WAC: variants seen among roughly 807,000 people sequenced by gnomAD.
The protein encoded by WAC is WW domain-containing adapter protein with coiled-coil.
WAC carries 11 observed loss-of-function variants against 79.6 expected under a neutral mutation model. That is an observed-to-expected ratio of 0.14 (90% CI 0.09 to 0.23). WAC has a LOEUF of 0.23. Among genes scored for constraint, WAC ranks in the 10% least tolerant of loss-of-function variants. The pLI, the probability that WAC is intolerant of heterozygous loss-of-function variation, is 1.00. For missense variants in WAC, 728 were observed against 773.5 expected, an observed-to-expected ratio of 0.94 and a Z score of 0.70; for synonymous variants, 304 against 276.9, an observed-to-expected ratio of 1.10 and a Z score of -0.97.
intron 7 of WAC, among the ~76,000 whole-genome samples, chr10:28,607,198 T>C (rs1164851099): frequency 3.3e-5 from 5 of 152,232 alleles, no homozygotes; most frequent in East Asian, 3.8e-4. Context: ...TTTACACATC[T>C]GCTTGGTGTT....
At chr10:28,599,527 A>C (rs1840538134) in intron 7 of WAC, among the ~76,000 whole-genome samples, 1 of 152,206 alleles carries the variant, frequency 6.6e-6, no homozygotes, top group South Asian at 2.1e-4. Flanking sequence ...TTGTAGATGG[A>C]TGCTACAAGA....
intron 3 of WAC, among the ~76,000 whole-genome samples, chr10:28,558,285 T>C (rs1363015189): frequency 6.6e-6 from 1 of 152,090 alleles, no homozygotes; most frequent in African/African-American, 2.4e-5. Context: ...TTGAGGAGAG[T>C]GATTTACAAT....
chr10:28,551,382 T>C (rs530591287), intron 3 of WAC, among the ~76,000 whole-genome samples: 7 of 152,370 alleles, frequency 4.6e-5, no homozygotes, highest in Admixed American at 2.6e-4. Flanking sequence ...ACTTTAGCTC[T>C]TGAGCTTGTG....
intron 3 of WAC, chr10:28,537,572 A>T (rs1336629117): frequency 6.6e-6 from 1 of 152,198 alleles, no homozygotes; most frequent in African/African-American, 2.4e-5. Flanking sequence ...TGCTCAGCCA[A>T]TTCTTTTACA....
intron 7 of WAC, among the ~76,000 whole-genome samples, chr10:28,606,937 T>G (rs527826803): frequency 3.3e-5 from 5 of 152,350 alleles, no homozygotes; most frequent in African/African-American, 1.2e-4. Flanking sequence ...TGCCAACATT[T>G]GGTATGTCTG....
At chr10:28,539,942 A>G (rs1238379934) in intron 3 of WAC, among the ~76,000 whole-genome samples, 1 of 152,212 alleles carries the variant, frequency 6.6e-6, no homozygotes, top group Non-Finnish European at 1.5e-5. Context: ...CTTTCAAATA[A>G]AAGTTACTAT....
chr10:28,566,488 A>G (rs1838622410), intron 3 of WAC, among the ~76,000 whole-genome samples: 1 of 152,202 alleles, frequency 6.6e-6, no homozygotes. Flanking sequence ...GTACACTGTC[A>G]GTCCTCAAAG....
chr10:28,603,280 C>G (rs763194261), intron 7 of WAC, among the ~76,000 whole-genome samples: 3 of 152,250 alleles, frequency 2.0e-5, no homozygotes, highest in East Asian at 1.9e-4. Flanking sequence ...AAATTTGTGT[C>G]GAGCCACATT....
At chr10:28,555,821 C>T (rs1457590119) in intron 3 of WAC, among the ~76,000 whole-genome samples, 1 of 152,132 alleles carries the variant, frequency 6.6e-6, no homozygotes, top group South Asian at 2.1e-4. Flanking sequence ...AGCTTGTGTG[C>T]ACTTGACCTC....
intron 3 of WAC, 89 bp downstream of exon 3, chr10:28,535,846 G>A: frequency 8.8e-7 from 1 of 1,131,184 alleles, no homozygotes. Context: ...GCTTGAAGAA[G>A]TTACTGTTCA....
chr10:28,539,269 A>G (rs1464108847), intron 3 of WAC, among the ~76,000 whole-genome samples: 2 of 152,228 alleles, frequency 1.3e-5, no homozygotes, highest in Admixed American at 6.5e-5. Context: ...CAGATACAAT[A>G]TAAAAAGTGA....
At chr10:28,569,966 A>G (rs1005489802) in intron 3 of WAC, among the ~76,000 whole-genome samples, 4 of 152,218 alleles carry the variant, frequency 2.6e-5, no homozygotes, top group Admixed American at 2.6e-4. Context: ...CTATCCAAAA[A>G]TGCACCTCTG....
intron 3 of WAC, among the ~76,000 whole-genome samples, chr10:28,553,762 A>G (rs111975669): frequency 0.012 from 1,794 of 152,326 alleles, 19 homozygotes; most frequent in Non-Finnish European, 0.02. Context: ...TGGGGGAATA[A>G]AAGGATGGTT....
At chr10:28,592,954 T>G (rs1301649059) in intron 6 of WAC, among the ~76,000 whole-genome samples, 1 of 152,204 alleles carries the variant, frequency 6.6e-6, no homozygotes, top group Admixed American at 6.5e-5. Context: ...ATACCTTCAT[T>G]GACAAATAAT....
intron 12 of WAC, among the ~76,000 whole-genome samples, chr10:28,616,596 C>T (rs1366450679): frequency 1.3e-5 from 2 of 152,230 alleles, no homozygotes; most frequent in African/African-American, 4.8e-5. Context: ...TAGCTCAGTG[C>T]TTAATGCCTT....
At chr10:28,570,451 A>G (rs1838884795) in intron 3 of WAC, among the ~76,000 whole-genome samples, 1 of 152,230 alleles carries the variant, frequency 6.6e-6, no homozygotes, top group Non-Finnish European at 1.5e-5. Context: ...ATCCCTTATT[A>G]TTAAATGATG....
rs1220530890 is a variant in WAC at position 28,565,339 on chromosome 10, C to CAAGT, written c.275-18058_275-18057insGTAA. Among the ~76,000 whole-genome samples, 5 of 152,238 alleles carry CAAGT rather than the reference C, an allele frequency of 3.3e-5. 1 individual carries two copies. The South Asian group carries it at 8.3e-4, about 25-fold the overall frequency. On this transcript the variant is annotated intron_variant, in intron 3 of 13. Coordinates refer to ENST00000354911, the MANE Select transcript of WAC (RefSeq NM_016628.5). ...TGATAAATTCCCAAGAGTGCAACTG[C>CAAGT]AAAATTCATATGGTAGGTTAGCTGC...
rs9331408 is a variant in WAC at position 28,621,215 on chromosome 10, A to ATTT, written c.*1627_*1629dup. ...TAAATTGGTTTAGGGTTTTTTGGTG[A>ATTT]TTTTTTTTTTTTTTTTTTTTCTGTT... On this transcript the variant is annotated 3_prime_UTR_variant, in exon 14 of 14. Coordinates refer to ENST00000354911, the MANE Select transcript of WAC (RefSeq NM_016628.5). 10 of 102,502 alleles carry ATTT rather than the reference A, an allele frequency of 9.8e-5. No homozygotes were observed. Among genetic ancestry groups the ATTT allele is most frequent in the Admixed American group, 1.1e-4 (1 of 9,092 alleles). The allele number at this position is 102,502 out of a possible 1,614,324, so 6.3% of individuals were successfully genotyped here. A position where few individuals can be genotyped will look rare whatever the true frequency, so the allele number is the denominator to read the frequency against.
intron 13 of WAC, among the ~76,000 whole-genome samples, chr10:28,619,241 C>T (rs1032834505): frequency 6.6e-6 from 1 of 152,136 alleles, no homozygotes; most frequent in Non-Finnish European, 1.5e-5. Context: ...GATTGCACCC[C>T]TGCCCTCTAG....
Sources: gnomAD v4.1 joint callset for allele counts (sites outside exome capture counted in the v4.1 genomes callset) on GRCh38, gnomAD v4.1.1 for gene constraint, MANE v1.5 for transcripts, NCBI Gene and HGNC (gene_info 2026-07-23, HGNC 2026-07-21) for gene names.